IFT56: variants seen among roughly 807,000 people sequenced by gnomAD.
The protein encoded by IFT56 is intraflagellar transport protein 56.
At chr7:139,178,667 A>T in the IFT56 span, 1 of 1,386,116 alleles carries the variant, frequency 7.2e-7, no homozygotes, top group Non-Finnish European at 1.0e-6. Flanking sequence ...TTCTCACTGG[A>T]ATAAAATGGT....
the IFT56 span, among the ~76,000 whole-genome samples, chr7:139,134,431 C>T: frequency 7.2e-5 from 11 of 152,108 alleles, no homozygotes; most frequent in East Asian, 1.9e-3. Context: ...CCACCACGCC[C>T]GGCTAATTTT....
chr7:139,184,963 A>T, the IFT56 span, among the ~76,000 whole-genome samples: 1 of 151,550 alleles, frequency 6.6e-6, no homozygotes, highest in African/African-American at 2.4e-5. Context: ...CTGAGGCAGG[A>T]GAATGGCGTG....
the IFT56 span, among the ~76,000 whole-genome samples, chr7:139,154,922 G>A: frequency 4.6e-5 from 7 of 152,058 alleles, no homozygotes; most frequent in East Asian, 1.2e-3. Flanking sequence ...TGGGATTAAT[G>A]CTATCTTAAT....
the IFT56 span, among the ~76,000 whole-genome samples, chr7:139,176,721 C>T: frequency 6.6e-6 from 1 of 152,188 alleles, no homozygotes; most frequent in African/African-American, 2.4e-5. Context: ...TGGACGTTCA[C>T]AAATGTTTCA....
the IFT56 span, among the ~76,000 whole-genome samples, chr7:139,162,831 C>T: frequency 6.6e-6 from 1 of 151,856 alleles, no homozygotes; most frequent in Non-Finnish European, 1.5e-5. Flanking sequence ...TGGTGGCATG[C>T]ACCTGTAATC....
the IFT56 span, chr7:139,181,117 A>T: frequency 6.2e-7 from 1 of 1,611,600 alleles, no homozygotes; most frequent in Non-Finnish European, 8.5e-7. Flanking sequence ...AACCAAGACT[A>T]GCCTGGGAAC....
chr7:139,141,600 T>C, the IFT56 span, among the ~76,000 whole-genome samples: 1 of 152,264 alleles, frequency 6.6e-6, no homozygotes, highest in South Asian at 2.1e-4. Context: ...TATCTCTATT[T>C]CCATATTTTT....
At chr7:139,165,340 A>G in the IFT56 span, 1 of 722,536 alleles carries the variant, frequency 1.4e-6, no homozygotes, top group Non-Finnish European at 2.2e-6. Context: ...ACTTCCAAAA[A>G]TATATTTGCA....
the IFT56 span, among the ~76,000 whole-genome samples, chr7:139,155,678 T>G: frequency 5.3e-5 from 8 of 152,182 alleles, no homozygotes; most frequent in Admixed American, 1.3e-4. Context: ...AGGATTCCAT[T>G]TGCTAAGAAT....
chr7:139,169,467 T>G, the IFT56 span: 4 of 898,174 alleles, frequency 4.5e-6, no homozygotes, highest in Non-Finnish European at 5.3e-6. Context: ...CATTATAAAG[T>G]GGGAGGTCAG....
chr7:139,172,149 C>A, the IFT56 span, among the ~76,000 whole-genome samples: 60 of 92,290 alleles, frequency 6.5e-4, no homozygotes, highest in African/African-American at 7.2e-3. Flanking sequence ...AAAAAAATTA[C>A]TTAATGCTAA....
chr7:139,134,273 A>ATTT, the IFT56 span, among the ~76,000 whole-genome samples: 3 of 141,406 alleles, frequency 2.1e-5, no homozygotes, highest in African/African-American at 7.9e-5. Context: ...TTGACTTATA[A>ATTT]TTTTTTTTTT....
At chr7:139,186,166 G>A in the IFT56 span, among the ~76,000 whole-genome samples, 1 of 152,210 alleles carries the variant, frequency 6.6e-6, no homozygotes, top group Non-Finnish European at 1.5e-5. Flanking sequence ...GGTGGCTCAA[G>A]CCTGTAATCC....
At chr7:139,168,572 A>C in the IFT56 span, 1 of 584,770 alleles carries the variant, frequency 1.7e-6, no homozygotes, top group Admixed American at 2.8e-5. Flanking sequence ...TTAGAGACAA[A>C]AAAAAAAAAC....
the IFT56 span, among the ~76,000 whole-genome samples, chr7:139,136,753 G>A: frequency 6.6e-6 from 1 of 152,142 alleles, no homozygotes; most frequent in African/African-American, 2.4e-5. Context: ...TACAGGGCCA[G>A]ACTGCCTTTA....
At chr7:139,187,634 G>A in the IFT56 span, 3 of 1,414,058 alleles carry the variant, frequency 2.1e-6, no homozygotes, top group Non-Finnish European at 2.9e-6. Context: ...GAAAACACAT[G>A]ATTATAATGA....
At chr7:139,191,502 T>A in the IFT56 span, 2 of 152,228 alleles carry the variant, frequency 1.3e-5, no homozygotes, top group African/African-American at 4.8e-5. Flanking sequence ...AAAAAGCTTT[T>A]CCATTGATGG....
At chr7:139,162,972 A>G in the IFT56 span, among the ~76,000 whole-genome samples, 955 of 150,034 alleles carry the variant, frequency 6.4e-3, 5 homozygotes, top group African/African-American at 0.022. Flanking sequence ...AAAAAAAAAA[A>G]GTACTTATCT....
the IFT56 span, chr7:139,190,220 C>G: frequency 7.0e-6 from 1 of 142,864 alleles, no homozygotes; most frequent in African/African-American, 2.9e-5. Context: ...TAACAAACAT[C>G]AGTTTTTGTT....
Sources: allele counts gnomAD v4.1 joint callset (sites outside exome capture counted in the v4.1 genomes callset), GRCh38; gene constraint gnomAD v4.1.1; transcripts MANE v1.5; gene names NCBI Gene and HGNC (gene_info 2026-07-23, HGNC 2026-07-21).